The following PROSER2 variants were observed in gnomAD, a reference collection of about 807,000 sequenced individuals.
The protein encoded by PROSER2 is proline and serine-rich protein 2.
PROSER2 carries 18 observed loss-of-function variants against 14.6 expected under a neutral mutation model. The ratio of observed to expected loss-of-function variants is 1.23; its 90% CI spans 0.85 to 1.83. The LOEUF is 1.83. Among genes scored for constraint, PROSER2 ranks in the 40% most tolerant of loss-of-function variants. The pLI is 0.00. For missense variants in PROSER2, 823 were observed against 629.8 expected (o/e 1.31, Z -3.28); for synonymous variants, 367 against 286.4 (o/e 1.28, Z -2.84).
Position 11,860,827 on chromosome 10 carries a change from C to T in PROSER2, c.139-5704C>T, listed in dbSNP as rs111443287. Among the ~76,000 whole-genome samples the T allele has an allele frequency of 8.6e-5, 13 of 151,840 alleles. 3 individuals carry two copies. The highest frequency in any genetic ancestry group is 3.4e-3 in the Middle Eastern group (1 of 294). On this transcript the variant is annotated intron_variant, in intron 2 of 3. Coordinates refer to ENST00000277570, the MANE Select transcript of PROSER2 (RefSeq NM_153256.4). ...AGCAAGTATGCAGCTGGGTCAAGGC[C>T]AGGCATGGCGGCTCATGCTTGTAAT...
At chr10:11,840,839 CG>C (rs1444370289) in intron 1 of PROSER2, among the ~76,000 whole-genome samples, 2 of 144,976 alleles carry the variant, frequency 1.4e-5, no homozygotes, top group African/African-American at 5.2e-5. Context: ...GCAGGAGAAT[CG>C]CTTGAACCAG....
At chr10:11,826,604 GTCTC>G (rs1279897546) in intron 1 of PROSER2, among the ~76,000 whole-genome samples, 27 of 152,138 alleles carry the variant, frequency 1.8e-4, no homozygotes, top group Non-Finnish European at 4.4e-5. Context: ...TTGAGACGGA[GTCTC>G]TCTCTGTCAG....
At chr10:11,858,396 A>C (rs1189624860) in intron 2 of PROSER2, among the ~76,000 whole-genome samples, 1 of 152,126 alleles carries the variant, frequency 6.6e-6, no homozygotes, top group Non-Finnish European at 1.5e-5. Context: ...AAAAGTTGTC[A>C]TCTAGCTTTT....
intron 1 of PROSER2, 137 bp from the exon 2 acceptor site, chr10:11,851,860 C>T: frequency 2.5e-6 from 1 of 397,146 alleles, no homozygotes; most frequent in Non-Finnish European, 4.4e-6. Context: ...AACTGGTTGA[C>T]TTAGCGTTTC....
chr10:11,827,754 C>T (rs1399396449), intron 1 of PROSER2, among the ~76,000 whole-genome samples: 1 of 151,670 alleles, frequency 6.6e-6, no homozygotes, highest in African/African-American at 2.4e-5. Flanking sequence ...TCACAGCTCA[C>T]TGCAGCCTCG....
At chr10:11,826,815 C>T (rs4570490) in intron 1 of PROSER2, among the ~76,000 whole-genome samples, 57,598 of 150,760 alleles carry the variant, frequency 0.38, 11,320 homozygotes, top group East Asian at 0.5. Context: ...CTCCTGACCT[C>T]GTGATCCGCC....
intron 1 of PROSER2, among the ~76,000 whole-genome samples, chr10:11,841,984 A>T (rs1822439757): frequency 6.6e-6 from 1 of 152,154 alleles, no homozygotes; most frequent in Non-Finnish European, 1.5e-5. Flanking sequence ...GCACTTTGGG[A>T]GGCCGAGGCA....
chr10:11,838,404 T>C lies in PROSER2; in HGVS notation c.-81-13593T>C, dbSNP rs1200227180. On this transcript the variant is annotated intron_variant, in intron 1 of 3. Transcript: ENST00000277570. This position sits in a 1 kb window ranked among gnomAD's most constrained non-coding sequence, Gnocchi z 4.4. ...TAAGCATTTACCACGTTTCTACTTA[T>C]AGAAAGTTCATGGTAGGCGAAGAAC... Among the ~76,000 whole-genome samples, 5 of 152,228 alleles carry C rather than the reference T, an allele frequency of 3.3e-5. No homozygotes were observed. Among genetic ancestry groups the C allele is most frequent in the African/African-American group, 1.2e-4 (5 of 41,466 alleles).
chr10:11,844,040 G>A (rs1229506231), intron 1 of PROSER2, among the ~76,000 whole-genome samples: 1 of 152,026 alleles, frequency 6.6e-6, no homozygotes, highest in Non-Finnish European at 1.5e-5. Context: ...CCCCTAGGCT[G>A]GAGTCCAGTG....
At chr10:11,829,780 A>G (rs903102883) in intron 1 of PROSER2, among the ~76,000 whole-genome samples, 1 of 151,874 alleles carries the variant, frequency 6.6e-6, no homozygotes, top group Non-Finnish European at 1.5e-5. Flanking sequence ...GATGGCACTA[A>G]AATGTGCATG....
At chr10:11,834,989 C>A (rs1037829004) in intron 1 of PROSER2, among the ~76,000 whole-genome samples, 2 of 151,902 alleles carry the variant, frequency 1.3e-5, no homozygotes. Context: ...TGCCTGTAAT[C>A]CTAGCTACTT....
At position 11,866,733 on chromosome 10, in the gene PROSER2, C is replaced by T; in HGVS notation, c.341C>T (p.Ala114Val). 6.2e-7 allele frequency: 1 copy of T among 1,613,614 alleles called. No individual in the cohort carries two copies. The highest frequency in any genetic ancestry group is 1.7e-5 in the Admixed American group (1 of 60,026). The change falls in exon 3 of 4, where the codon GCA (alanine) becomes GTA (valine). Residue 114 changes from alanine (A) to valine (V), a missense_variant. By Grantham distance (64) the Ala-to-Val change is moderately conservative (BLOSUM62 0). Coordinates refer to ENST00000277570, the MANE Select transcript of PROSER2 (RefSeq NM_153256.4). The surrounding 1 kb of genome is among the most constrained non-coding windows in gnomAD (Gnocchi z 6.0). ...PEDVIDLVQP[A>V]PGAGEAEGLP... ...GATGTCATCGACTTAGTGCAGCCAG[C>T]ACCTGGCGCCGGGGAAGCCGAGGGC...
chr10:11,861,024 T>C (rs774684054), intron 2 of PROSER2, among the ~76,000 whole-genome samples: 1 of 152,100 alleles, frequency 6.6e-6, no homozygotes, highest in Non-Finnish European at 1.5e-5. Flanking sequence ...GAGAATTGCT[T>C]GAACCTGGGA....
At chr10:11,839,968 T>A (rs1409455371) in intron 1 of PROSER2, among the ~76,000 whole-genome samples, 1 of 151,948 alleles carries the variant, frequency 6.6e-6, no homozygotes, top group African/African-American at 2.4e-5. Context: ...TTATTTATTT[T>A]TGAGACAAGG....
At position 11,837,041 on chromosome 10, in the gene PROSER2, A is replaced by G. The variant is rs1339745215; in HGVS notation, c.-82+13571A>G. Among the ~76,000 whole-genome samples, 1 of 152,172 alleles carries G rather than the reference A, an allele frequency of 6.6e-6. No individual in the cohort carries two copies. The highest frequency in any genetic ancestry group is 1.9e-4 in the East Asian group (1 of 5,204). On this transcript the variant is annotated intron_variant, in intron 1 of 3. Transcript: ENST00000277570. This position sits in a 1 kb window ranked among gnomAD's most constrained non-coding sequence, Gnocchi z 4.6. ...CTGCCCATCACTTAGTAGCCAACTC[A>G]GTTCTCAGATCAGCTGTCTATGTGG... is the stretch of plus-strand genomic sequence containing the variant.
intron 2 of PROSER2, among the ~76,000 whole-genome samples, chr10:11,853,902 C>T (rs550790017): frequency 1.3e-5 from 2 of 152,244 alleles, no homozygotes; most frequent in South Asian, 4.1e-4. Flanking sequence ...CTTTCCTATC[C>T]GGTAAATCAT....
In PROSER2 at chr10:11,870,401, T is replaced by A. The variant is rs1340558735; in HGVS notation, c.1303T>A (p.Ser435Thr). The change falls in exon 4 of 4, where the codon TCG becomes ACG. Residue 435 changes from serine (S) to threonine (T), a missense_variant. Transcript: ENST00000277570. ...GAAGCTGGGGCTGCTCAGGGAGAGTTCGTGAGGGCCGCGCGGGCTCCAGTC... is the reference window on the plus strand; with the variant it reads ...GAAGCTGGGGCTGCTCAGGGAGAGTACGTGAGGGCCGCGCGGGCTCCAGTC... Reference protein sequence around the residue: ...LRKLGLLRESS With the variant: ...LRKLGLLREST The A allele has an allele frequency of 3.3e-6, 5 of 1,494,984 alleles. No homozygotes were observed. Among genetic ancestry groups the A allele is most frequent in the South Asian group, 1.3e-5 (1 of 77,676 alleles). 92.6% of individuals were successfully genotyped at this position (1,494,984 alleles called of 1,614,324 possible). A position where few individuals can be genotyped will look rare whatever the true frequency, so the allele number is the denominator to read the frequency against.
At chr10:11,827,627 A>G (rs562780285) in intron 1 of PROSER2, among the ~76,000 whole-genome samples, 11 of 151,376 alleles carry the variant, frequency 7.3e-5, no homozygotes, top group African/African-American at 2.4e-4. Context: ...TGGATTGACC[A>G]CGTACAATGT....
intron 1 of PROSER2, among the ~76,000 whole-genome samples, chr10:11,845,180 T>G (rs1833905397): frequency 6.6e-6 from 1 of 152,146 alleles, no homozygotes; most frequent in African/African-American, 2.4e-5. Flanking sequence ...GTAGGATAAA[T>G]TTCCCCAAAT....
Sources: allele counts gnomAD v4.1 joint callset (sites outside exome capture counted in the v4.1 genomes callset), GRCh38; gene constraint gnomAD v4.1.1; non-coding constraint Gnocchi (gnomAD v3.1); transcripts MANE v1.5; gene names NCBI Gene and HGNC (gene_info 2026-07-23, HGNC 2026-07-21).